CEP350: variants seen among roughly 807,000 people sequenced by gnomAD.
CEP350 encodes centrosomal protein 350, also known as centrosome-associated protein 350.
CEP350 carries 126 observed loss-of-function variants against 331.8 expected under a neutral mutation model. The ratio of observed to expected loss-of-function variants is 0.38; its 90% confidence interval spans 0.33 to 0.44. The LOEUF is 0.44. Ranked by LOEUF, CEP350 falls within the 20% of genes least tolerant of loss-of-function variation. CEP350 has a pLI of 1.00. For synonymous variants in CEP350, 1,200 were observed against 1,259.5 expected (o/e 0.95, Z 1.00); for missense variants, 3,406 against 3,634.6 (o/e 0.94, Z 1.62).
chr1:180,072,937 G>T (rs1389604118), intron 27 of CEP350, among the ~76,000 whole-genome samples: 1 of 152,086 alleles, frequency 6.6e-6, no homozygotes, highest in Non-Finnish European at 1.5e-5. Context: ...CCTTTCCAAA[G>T]GTACTACTAG....
chr1:180,043,988 T>C (rs923289355), intron 20 of CEP350, 63 bp from the exon 21 acceptor site: 147 of 1,357,060 alleles, frequency 1.1e-4, no homozygotes, highest in Non-Finnish European at 1.4e-4. Context: ...TATTAAGCAA[T>C]ACTTAAAATC....
rs1424141571 is a variant in CEP350 at position 179,996,903 on chromosome 1, C to G, written c.746C>G (p.Pro249Arg). ...AATAACATGGCCCATGATACTGATCCAAAAGCGTTACGACTAACTGACTCT... is the reference window on the plus strand; with the variant it reads ...AATAACATGGCCCATGATACTGATCGAAAAGCGTTACGACTAACTGACTCT... ...SVNNMAHDTD[P>R]KALRLTDSSP... Residue 249 changes from proline to arginine, a missense_variant, in exon 6 of 38, where the codon CCA becomes CGA. Pro to Arg is a moderately radical substitution (Grantham distance 103). Coordinates refer to ENST00000367607, the MANE Select transcript of CEP350 (RefSeq NM_014810.5). The G allele has an allele frequency of 6.2e-7, 1 of 1,613,882 alleles. No individual in the cohort carries two copies. Among genetic ancestry groups the G allele is most frequent in the African/African-American group, 1.3e-5 (1 of 74,928 alleles).
chr1:179,970,681 G>A (rs1486132397), intron 1 of CEP350, among the ~76,000 whole-genome samples: 1 of 152,106 alleles, frequency 6.6e-6, no homozygotes, highest in Non-Finnish European at 1.5e-5. Context: ...TTAGTAGGAG[G>A]CCAATAAATA....
At chr1:180,022,915 G>A (rs1051062150) in intron 13 of CEP350, 67 bp downstream of exon 13, 10 of 1,444,622 alleles carry the variant, frequency 6.9e-6, no homozygotes, top group African/African-American at 1.4e-5. Context: ...GAGAACTCTG[G>A]TCTGAATATT....
intron 6 of CEP350, among the ~76,000 whole-genome samples, chr1:179,997,409 G>C (rs1028419104): frequency 1.3e-5 from 2 of 152,040 alleles, no homozygotes; most frequent in African/African-American, 4.8e-5. Flanking sequence ...CAGGCGTGGT[G>C]GTGGGCCCCC....
rs1342176803 is a variant in CEP350 at position 180,006,611 on chromosome 1, T to C, written c.1246+44T>C. Reference sequence around the variant, plus strand: ...TCCATCCTTTTTTTTTGTTTTTAATTAATGTTTTCATTATACTTTAAGTTT... The same window carrying C: ...TCCATCCTTTTTTTTTGTTTTTAATCAATGTTTTCATTATACTTTAAGTTT... On this transcript the variant is annotated intron_variant, in intron 8 of 37. Transcript: ENST00000367607. The C allele has an allele frequency of 1.0e-5, 10 of 973,288 alleles. No individual in the cohort carries two copies. In the South Asian group the frequency reaches 1.4e-4, roughly 14 times the overall value. 60.3% of individuals were successfully genotyped at this position (973,288 alleles called of 1,614,324 possible). A position where few individuals can be genotyped will look rare whatever the true frequency, so the allele number is the denominator to read the frequency against.
rs898044712 is a variant in CEP350, at chr1:180,043,053, T to C, written c.4363-3T>C. ...TGCCTTTCTTGTGTGTGTTCATGTT[T>C]AGATGGCAGAGTTGACTAGAACTCA... On this transcript the variant is annotated splice_polypyrimidine_tract_variant and splice_region_variant and intron_variant, in intron 19 of 37. Transcript: ENST00000367607. 6.2e-7 allele frequency: 1 copy of C among 1,611,230 alleles called. No homozygotes were observed. Among genetic ancestry groups the C allele is most frequent in the African/African-American group, 1.3e-5 (1 of 74,800 alleles).
At position 179,986,237 on chromosome 1, in the gene CEP350, G is replaced by A. The variant is rs1442297798; in HGVS notation, c.56G>A (p.Ser19Asn). The A allele has an allele frequency of 1.3e-6, 2 of 1,550,616 alleles. No individual in the cohort carries two copies. The highest frequency in any genetic ancestry group is 1.4e-5 in the African/African-American group (1 of 73,136). ...TTACCAAATCCAAGGAACTCTCAAA[G>A]CAAGGATACTGTTCAAGGTATGATT... ...VPLPNPRNSQSKDTVQADITT... is the reference protein window; with the variant it reads ...VPLPNPRNSQNKDTVQADITT... Residue 19 changes from serine (S) to asparagine (N), a missense_variant, in exon 2 of 38, where the codon AGC becomes AAC. This residue lies in a region of CEP350 where 1,857 missense variants were observed against 1,909.2 expected (regional missense o/e 0.97). Coordinates refer to ENST00000367607, the MANE Select transcript of CEP350 (RefSeq NM_014810.5).
intron 1 of CEP350, among the ~76,000 whole-genome samples, chr1:179,957,039 A>T (rs1252846032): frequency 6.6e-6 from 1 of 152,070 alleles, no homozygotes; most frequent in African/African-American, 2.4e-5. Context: ...ACGTTTTGTT[A>T]ATTATTGACA....
chr1:180,053,212 C>A (rs1398260279), intron 23 of CEP350, 46 bp downstream of exon 23: 3 of 949,342 alleles, frequency 3.2e-6, no homozygotes, highest in Non-Finnish European at 4.5e-6. Flanking sequence ...TGGATATGTT[C>A]TCTCAAAGAT....
intron 4 of CEP350, 37 bp from the exon 5 acceptor site, chr1:179,992,025 T>C (rs1055435243): frequency 2.2e-5 from 33 of 1,485,968 alleles, no homozygotes; most frequent in Non-Finnish European, 2.9e-5. Flanking sequence ...AGTTGTATTT[T>C]ATATTATATG....
At chr1:180,038,019 A>G (rs185930368) in intron 17 of CEP350, among the ~76,000 whole-genome samples, 13 of 152,260 alleles carry the variant, frequency 8.5e-5, no homozygotes, top group Admixed American at 7.2e-4. Flanking sequence ...TAGAACCCTT[A>G]CATTGTTACC....
At chr1:180,056,831 A>G (rs985622553) in intron 25 of CEP350, among the ~76,000 whole-genome samples, 1 of 151,940 alleles carries the variant, frequency 6.6e-6, no homozygotes, top group African/African-American at 2.4e-5. Context: ...CCTTTTGACC[A>G]TTTGCCACAT....
intron 36 of CEP350, among the ~76,000 whole-genome samples, 192 bp from the exon 37 acceptor site, chr1:180,098,671 T>C (rs1660629549): frequency 6.6e-6 from 1 of 152,196 alleles, no homozygotes; most frequent in South Asian, 2.1e-4. Flanking sequence ...GTTGCGTAAG[T>C]GAATAAAGTC....
chr1:180,085,093 T>A (rs928444625), intron 31 of CEP350, among the ~76,000 whole-genome samples: 2 of 150,866 alleles, frequency 1.3e-5, no homozygotes, highest in Non-Finnish European at 3.0e-5. Flanking sequence ...TCTTTCCTCC[T>A]TCCCCTTCCC....
At chr1:180,024,928 C>T (rs1054628384) in intron 14 of CEP350, among the ~76,000 whole-genome samples, 9 of 144,816 alleles carry the variant, frequency 6.2e-5, no homozygotes, top group Non-Finnish European at 1.1e-4. Context: ...TATTTATTTA[C>T]TTTTTTTTTT....
chr1:180,038,492 A>G (rs1386268117), intron 17 of CEP350, among the ~76,000 whole-genome samples: 1 of 152,238 alleles, frequency 6.6e-6, no homozygotes, highest in East Asian at 1.9e-4. Flanking sequence ...GTAACATTTT[A>G]CACTCTTGTA....
rs148145204 is a variant in CEP350 at position 180,014,029 on chromosome 1, A to T, written c.1576A>T (p.Ile526Phe). 11 of 1,613,402 alleles carry T rather than the reference A, an allele frequency of 6.8e-6. No homozygotes were observed. The highest frequency in any genetic ancestry group is 9.3e-6 in the Non-Finnish European group (11 of 1,179,578). ...NTALNKDFLP[I>F]EIRGILDDLQ... ...TGCCTTAAATAAGGACTTTTTACCT[A>T]TTGAAATTCGTGGCATTCTTGATGA... Residue 526 changes from isoleucine (I) to phenylalanine (F), a missense_variant, in exon 10 of 38, where the codon ATT becomes TTT. Around this residue, in one of 5 missense-constraint regions of CEP350, gnomAD observed 1,857 missense variants for 1,909.2 expected, o/e 0.97. Transcript: ENST00000367607.
intron 5 of CEP350, among the ~76,000 whole-genome samples, chr1:179,993,244 AAAG>A (rs1653222621): frequency 6.6e-6 from 1 of 152,152 alleles, no homozygotes; most frequent in African/African-American, 2.4e-5. Context: ...GAGTTAAAAA[AAAG>A]AAGGGAAAAG....
Sources: gnomAD v4.1 joint callset for allele counts (sites outside exome capture counted in the v4.1 genomes callset) on GRCh38, gnomAD v4.1.1 for gene constraint, gnomAD v4.1.1 regional missense constraint, MANE v1.5 for transcripts, NCBI Gene and HGNC (gene_info 2026-07-23, HGNC 2026-07-21) for gene names.